NCR2: variants seen among roughly 807,000 people sequenced by gnomAD.
NCR2 encodes natural cytotoxicity triggering receptor 2.
A neutral mutation model predicts 30.7 loss-of-function variants in NCR2; 35 were observed. The ratio of observed to expected loss-of-function variants is 1.14; its 90% CI spans 0.87 to 1.51. The LOEUF (loss-of-function observed/expected upper bound fraction) is 1.51. NCR2 is among the 40% of genes most tolerant of loss of function. The pLI is 0.00. For missense variants in NCR2, 316 were observed against 328.9 expected (o/e 0.96, Z 0.30); for synonymous variants, 146 against 134.8 (o/e 1.08, Z -0.58).
intron 4 of NCR2, among the ~76,000 whole-genome samples, chr6:41,349,625 G>A (rs1769383209): frequency 6.6e-6 from 1 of 152,178 alleles, no homozygotes; most frequent in African/African-American, 2.4e-5. Context: ...GAGCTTCTGA[G>A]TTGGTGAACA....
chr6:41,347,219 A>T (rs1291530563), intron 4 of NCR2, among the ~76,000 whole-genome samples: 1 of 152,092 alleles, frequency 6.6e-6, no homozygotes, highest in African/African-American at 2.4e-5. Context: ...TGTCTAAAAT[A>T]GAAAAAGGAA....
In NCR2 at chr6:41,336,283, C is replaced by G; in HGVS notation, c.249C>G (p.Ile83Met). The part of the protein sequence containing the change: ...RTMAWTSRFT[I>M]WDDPDAGFFT... ...TGGCTTGGACCTCTCGATTCACAAT[C>G]TGGGACGACCCTGATGCTGGCTTCT... The change falls in exon 2 of 5, where the codon ATC becomes ATG. Residue 83 changes from isoleucine to methionine, a missense_variant. Coordinates refer to ENST00000373089, the MANE Select transcript of NCR2 (RefSeq NM_004828.4). The G allele has an allele frequency of 6.2e-7, 1 of 1,614,168 alleles. No individual in the cohort carries two copies. The highest frequency in any genetic ancestry group is 8.5e-7 in the Non-Finnish European group (1 of 1,180,032).
At chr6:41,349,657 G>A (rs1769383672) in intron 4 of NCR2, among the ~76,000 whole-genome samples, 1 of 152,120 alleles carries the variant, frequency 6.6e-6, no homozygotes, top group South Asian at 2.1e-4. Context: ...TGGGAGGTAT[G>A]GTGCACCCCA....
intron 4 of NCR2, chr6:41,342,781 TG>T: frequency 1.5e-6 from 1 of 688,118 alleles, no homozygotes; most frequent in Non-Finnish European, 2.5e-6. Flanking sequence ...AAACCATAGG[TG>T]GGGCTGAGTG....
rs370949899 is a variant in NCR2 at position 41,335,887 on chromosome 6, G to C, written c.11G>C (p.Arg4Pro). Residue 4 changes from arginine (R) to proline (P), a missense_variant, in exon 1 of 5, where the codon CGA (arginine) becomes CCA (proline). Arg to Pro is a moderately radical substitution (Grantham distance 103). Coordinates refer to ENST00000373089, the MANE Select transcript of NCR2 (RefSeq NM_004828.4). The part of the protein sequence containing the change: MAW[R>P]ALHPLLLLLL... The stretch of plus-strand genomic sequence containing the variant: ...CAGGAAAAGGACCACATGGCCTGGC[G>C]AGCCCTACACCCACTGCTACTGCTG... The C allele has an allele frequency of 2.5e-6, 4 of 1,568,840 alleles. No homozygotes were observed. The South Asian group carries it at 4.7e-5, about 18-fold the overall frequency.
chr6:41,337,581 C>G (rs1769065326), intron 2 of NCR2, among the ~76,000 whole-genome samples: 2 of 152,188 alleles, frequency 1.3e-5, no homozygotes, highest in African/African-American at 4.8e-5. Context: ...CTATTTATGA[C>G]ACCACATCAC....
rs541185548 is a variant in NCR2, at chr6:41,336,456, G to C, written c.394+28G>C. ...GAGCTCTTTCCCTAGGGTCCTCAGA[G>C]GGGTGCCCCTCACCCCCTTTTGGTG... On this transcript the variant is annotated intron_variant, in intron 2 of 4. Coordinates refer to ENST00000373089, the MANE Select transcript of NCR2 (RefSeq NM_004828.4). 23 of 1,582,802 alleles carry C rather than the reference G, an allele frequency of 1.5e-5. No homozygotes were observed. The East Asian group carries it at 1.6e-4, about 11-fold the overall frequency.
intron 4 of NCR2, among the ~76,000 whole-genome samples, chr6:41,346,109 A>G (rs1018382585): frequency 6.6e-6 from 1 of 152,102 alleles, no homozygotes; most frequent in Non-Finnish European, 1.5e-5. Flanking sequence ...CAGATTCTGT[A>G]CAATCTGGGG....
chr6:41,348,400 A>G (rs1769352181), intron 4 of NCR2, among the ~76,000 whole-genome samples: 1 of 152,168 alleles, frequency 6.6e-6, no homozygotes, highest in African/African-American at 2.4e-5. Context: ...CCCAATGTCC[A>G]ATGCAGTACA....
chr6:41,343,865 C>T (rs1335557736), intron 4 of NCR2, among the ~76,000 whole-genome samples: 1 of 152,164 alleles, frequency 6.6e-6, no homozygotes. Context: ...TTGGTTTGGG[C>T]TGTTGGGCCT....
intron 4 of NCR2, among the ~76,000 whole-genome samples, chr6:41,344,867 C>T (rs957080286): frequency 2.0e-5 from 3 of 152,324 alleles, no homozygotes; most frequent in East Asian, 1.9e-4. Flanking sequence ...GCGGATTGGG[C>T]GGGAGTATGG....
chr6:41,335,928 G>C lies in NCR2; in HGVS notation c.52G>C (p.Gly18Arg), dbSNP rs144640028. Residue 18 changes from glycine (G) to arginine (R), a missense_variant and splice_region_variant, in exon 1 of 5, where the codon GGC becomes CGC. By Grantham distance (125) the Gly-to-Arg change is moderately radical. Coordinates refer to ENST00000373089, the MANE Select transcript of NCR2 (RefSeq NM_004828.4). ...PLLLLLLLFPGSQAQSKAQVL... is the reference protein window; with the variant it reads ...PLLLLLLLFPRSQAQSKAQVL... ...GCTACTGCTGCTGCTGCTGTTCCCA[G>C]GTGAGGGGGAGGAGGAGCCCAGGGA... The C allele has an allele frequency of 1.8e-4, 275 of 1,571,042 alleles. No homozygotes were observed. The highest frequency in any genetic ancestry group is 2.3e-4 in the Non-Finnish European group (266 of 1,157,726).
At chr6:41,349,347 CCTTT>C (rs1227012649) in intron 4 of NCR2, among the ~76,000 whole-genome samples, 2 of 152,092 alleles carry the variant, frequency 1.3e-5, no homozygotes, top group African/African-American at 4.8e-5. Flanking sequence ...GCTCCTAAGA[CCTTT>C]CTAATCTCCT....
intron 4 of NCR2, among the ~76,000 whole-genome samples, chr6:41,348,106 T>C (rs1422059162): frequency 2.0e-5 from 3 of 152,298 alleles, no homozygotes; most frequent in South Asian, 4.1e-4. Flanking sequence ...CCTCCAACCC[T>C]TGAAGGAAGG....
intron 2 of NCR2, among the ~76,000 whole-genome samples, chr6:41,340,050 A>T (rs1266573801): frequency 6.6e-6 from 1 of 152,226 alleles, no homozygotes; most frequent in Non-Finnish European, 1.5e-5. Flanking sequence ...TTGTTTAAAA[A>T]AAGTTTGATT....
At chr6:41,345,937 G>A (rs140821275) in intron 4 of NCR2, among the ~76,000 whole-genome samples, 16 of 152,160 alleles carry the variant, frequency 1.1e-4, no homozygotes, top group South Asian at 4.2e-4. Context: ...GGAGGGAGGC[G>A]GTTTGTTCTC....
At chr6:41,347,080 A>G (rs1409757184) in intron 4 of NCR2, among the ~76,000 whole-genome samples, 1 of 152,138 alleles carries the variant, frequency 6.6e-6, no homozygotes, top group African/African-American at 2.4e-5. Context: ...CCGAGCATGG[A>G]GGTGCGTACT....
intron 4 of NCR2, 64 bp downstream of exon 4, chr6:41,342,213 A>AG: frequency 6.3e-7 from 1 of 1,584,312 alleles, no homozygotes. Flanking sequence ...CCCAGGATAG[A>AG]GGGTCAGAGG....
At chr6:41,341,681 G>T in intron 2 of NCR2, 113 bp from the exon 3 acceptor site, 1 of 1,339,438 alleles carries the variant, frequency 7.5e-7, no homozygotes, top group South Asian at 1.4e-5. Context: ...TTTCTTCTCT[G>T]GGCGCATGGG....
Sources: allele counts gnomAD v4.1 joint callset (sites outside exome capture counted in the v4.1 genomes callset), GRCh38; gene constraint gnomAD v4.1.1; transcripts MANE v1.5; gene names NCBI Gene and HGNC (gene_info 2026-07-23, HGNC 2026-07-21).